Variants in DYM observed in about 807,000 individuals in gnomAD.
The protein encoded by DYM is dyggve-Melchior-Clausen syndrome protein.
In DYM, 78 loss-of-function variants were observed where a neutral mutation model predicts 93.1. That is an observed-to-expected ratio of 0.84 (90% CI 0.70 to 1.01). The LOEUF is 1.01. Among genes scored for constraint, DYM ranks in the 50% least tolerant of loss-of-function variants. The pLI is 0.00. For synonymous variants in DYM, 321 were observed against 319.7 expected (o/e 1.00, Z -0.04); for missense variants, 789 against 845.0 (o/e 0.93, Z 0.82).
At chr18:49,370,326 G>A (rs939238271) in intron 5 of DYM, among the ~76,000 whole-genome samples, 1 of 150,566 alleles carries the variant, frequency 6.6e-6, no homozygotes, top group Non-Finnish European at 1.5e-5. Context: ...CCCTCTCTGG[G>A]CTCTTCATCC....
chr18:49,152,325 A>G (rs2085910105), intron 15 of DYM, among the ~76,000 whole-genome samples: 1 of 152,212 alleles, frequency 6.6e-6, no homozygotes, highest in African/African-American at 2.4e-5. Flanking sequence ...TGTTTTAAAA[A>G]AGAGGGGAGC....
intron 2 of DYM, among the ~76,000 whole-genome samples, chr18:49,422,024 T>C (rs2073768521): frequency 6.6e-6 from 1 of 152,174 alleles, no homozygotes; most frequent in Non-Finnish European, 1.5e-5. Context: ...CAAATCTATG[T>C]CTGATTGGTG....
chr18:49,372,143 T>C (rs1733127431), intron 5 of DYM, among the ~76,000 whole-genome samples: 1 of 152,244 alleles, frequency 6.6e-6, no homozygotes, highest in South Asian at 2.1e-4. Flanking sequence ...CTCTTTCATA[T>C]ACCTAAATCA....
intron 8 of DYM, among the ~76,000 whole-genome samples, 186 bp from the exon 9 acceptor site, chr18:49,286,802 G>A (rs183562977): frequency 6.6e-6 from 1 of 152,170 alleles, no homozygotes; most frequent in African/African-American, 2.4e-5. Flanking sequence ...AAGATTGACT[G>A]TATTTACAAC....
chr18:49,441,277 T>TATATATA (rs2081552379), intron 1 of DYM, among the ~76,000 whole-genome samples: 1 of 25,448 alleles, frequency 3.9e-5, no homozygotes, highest in African/African-American at 2.1e-4. Flanking sequence ...TAATATATAT[T>TATATATA]ATATAATTAT....
In DYM at chr18:49,081,532, AGGG is replaced by A. The variant is rs1200430880; in HGVS notation, c.2025+15867_2025+15869del. On this transcript the variant is annotated intron_variant, in intron 17 of 17. Coordinates refer to ENST00000675505, the MANE Select transcript of DYM (RefSeq NM_001353214.3). ...AGGGAGACCGAGAGGGAGAGGGGAG[AGGG>A]GAGAGGGGAGAGGGGAGAGGGGAGA... Among the ~76,000 whole-genome samples the A allele has an allele frequency of 7.0e-3, 39 of 5,598 alleles. 1 individual carries two copies. Among genetic ancestry groups the A allele is most frequent in the Non-Finnish European group, 0.011 (24 of 2,248 alleles). 3.7% of individuals were successfully genotyped at this position (5,598 alleles called of 152,430 possible).
intron 5 of DYM, among the ~76,000 whole-genome samples, chr18:49,370,290 A>AC (rs1210217464): frequency 2.7e-5 from 4 of 150,438 alleles, no homozygotes; most frequent in Non-Finnish European, 4.4e-5. Context: ...GAAAAAAAAA[A>AC]AAAAAAAAAC....
At chr18:49,268,016 C>G (rs962076905) in intron 11 of DYM, among the ~76,000 whole-genome samples, 1 of 152,142 alleles carries the variant, frequency 6.6e-6, no homozygotes, top group African/African-American at 2.4e-5. Context: ...TGAGGTCTCT[C>G]TTACTTTTCT....
At chr18:49,257,858 CAA>C (rs11334011) in intron 12 of DYM, among the ~76,000 whole-genome samples, 1 of 119,102 alleles carries the variant, frequency 8.4e-6, no homozygotes. Flanking sequence ...AATCGTAGCT[CAA>C]AAAAAAAAAA....
rs183563352 is a variant in DYM, at chr18:49,271,314, A to T, written c.1251+864T>A. ...TATCCTACAGTACACAGCTGAACTA[A>T]AAATAACATCAAAAATAATAATGTA... On this transcript the variant is annotated intron_variant, in intron 11 of 17. Transcript: ENST00000675505. 2.5e-3 allele frequency among the ~76,000 whole-genome samples: 381 copies of T among 152,300 alleles called. 2 individuals carry two copies. Among genetic ancestry groups the T allele is most frequent in the African/African-American group, 7.7e-3 (320 of 41,578 alleles).
At chr18:49,130,262 G>A (rs1232845342) in intron 15 of DYM, among the ~76,000 whole-genome samples, 1 of 152,150 alleles carries the variant, frequency 6.6e-6, no homozygotes, top group African/African-American at 2.4e-5. Flanking sequence ...CACCCTTTAA[G>A]CATAAAATAA....
chr18:49,299,937 G>T (rs1030828862), intron 8 of DYM, among the ~76,000 whole-genome samples: 1 of 150,732 alleles, frequency 6.6e-6, no homozygotes, highest in Non-Finnish European at 1.5e-5. Context: ...CAGCTACTCG[G>T]GAGGCTGAAG....
rs1259021207 is a variant in DYM at position 49,363,184 on chromosome 18, C to T, written c.471G>A (p.Gln157=). 1 of 1,613,882 alleles carries T rather than the reference C, an allele frequency of 6.2e-7. No individual in the cohort carries two copies. Residue 157 remains glutamine, a synonymous_variant, in exon 6 of 18, where the codon CAG becomes CAA. Coordinates refer to ENST00000675505, the MANE Select transcript of DYM (RefSeq NM_001353214.3). ...ACAAGAGTGGAATATCAGTGATCAA[C>T]TGCATCAAACAGCACAGCAATTCTT... ...LLEELLCCLM[Q]LITDIPLLDI... is the part of the protein sequence containing the mutation.
intron 16 of DYM, among the ~76,000 whole-genome samples, chr18:49,102,029 T>C (rs1416407732): frequency 1.3e-5 from 2 of 152,224 alleles, no homozygotes; most frequent in African/African-American, 4.8e-5. Flanking sequence ...AGAACTTACC[T>C]GGTGTCGGAC....
At chr18:49,414,049 T>A (rs2072616002) in intron 2 of DYM, among the ~76,000 whole-genome samples, 1 of 151,926 alleles carries the variant, frequency 6.6e-6, no homozygotes, top group South Asian at 2.1e-4. Flanking sequence ...TTATGCTACA[T>A]GAAATAAGCC....
At chr18:49,272,157 A>G (rs2094720342) in intron 11 of DYM, 21 bp downstream of exon 11, 1 of 1,609,636 alleles carries the variant, frequency 6.2e-7, no homozygotes, top group African/African-American at 1.3e-5. Flanking sequence ...TCTAACTCTA[A>G]TCCAAGTAAT....
chr18:49,121,469 G>T (rs992627558), intron 15 of DYM, among the ~76,000 whole-genome samples: 1 of 151,818 alleles, frequency 6.6e-6, no homozygotes, highest in Non-Finnish European at 1.5e-5. Flanking sequence ...GAAAGAATGG[G>T]ACAAAAGAGA....
chr18:49,203,535 G>T (rs2092275846), intron 14 of DYM, among the ~76,000 whole-genome samples: 1 of 146,284 alleles, frequency 6.8e-6, no homozygotes. Flanking sequence ...TTGGGATCCT[G>T]TTGATCTGTG....
chr18:49,348,907 C>CAA (rs11398177), intron 6 of DYM, among the ~76,000 whole-genome samples: 40,336 of 122,774 alleles, frequency 0.33, 7,498 homozygotes, highest in Middle Eastern at 0.49. Flanking sequence ...GACTCCTCAC[C>CAA]AAAAAAAAAA....
Sources: allele counts gnomAD v4.1 joint callset (sites outside exome capture counted in the v4.1 genomes callset), GRCh38; gene constraint gnomAD v4.1.1; transcripts MANE v1.5; gene names NCBI Gene and HGNC (gene_info 2026-07-23, HGNC 2026-07-21).